Variants in CHRM3 observed in about 807,000 individuals in gnomAD.
CHRM3 encodes muscarinic acetylcholine receptor M3.
CHRM3 carries 11 observed loss-of-function variants against 41.8 expected under a neutral mutation model. The observed-to-expected ratio is 0.26, with a 90% confidence interval of 0.17 to 0.44. The LOEUF (loss-of-function observed/expected upper bound fraction) is 0.44. Among genes scored for constraint, CHRM3 ranks in the 20% least tolerant of loss-of-function variants. CHRM3 has a pLI of 1.00. For synonymous variants in CHRM3, 297 were observed against 301.4 expected, an observed-to-expected ratio of 0.99 and a Z score of 0.15; for missense variants, 571 against 745.4, an observed-to-expected ratio of 0.77 and a Z score of 2.72.
At chr1:239,638,357 G>T (rs1371998292) in intron 4 of CHRM3, among the ~76,000 whole-genome samples, 2 of 151,986 alleles carry the variant, frequency 1.3e-5, no homozygotes, top group African/African-American at 2.4e-5. Flanking sequence ...CACAATGGTT[G>T]AACTAGTTTA....
At position 239,910,978 on chromosome 1, in the gene CHRM3, A is replaced by G. The variant is rs1680333075; in HGVS notation, c.*1754A>G. The G allele has an allele frequency of 3.0e-5, 5 of 167,060 alleles. No individual in the cohort carries two copies. 10.3% of individuals were successfully genotyped at this position (167,060 alleles called of 1,614,324 possible). On this transcript the variant is annotated 3_prime_UTR_variant, in exon 7 of 7. Coordinates refer to ENST00000676153, the MANE Select transcript of CHRM3 (RefSeq NM_001375978.1). Reference sequence around the variant, plus strand: ...GGATACTACACCAAGTGTTTATTTAATGTTGATAAATATGACTCTTCAGTC... The same window carrying G: ...GGATACTACACCAAGTGTTTATTTAGTGTTGATAAATATGACTCTTCAGTC...
chr1:239,618,769 G>A (rs1466554066), intron 3 of CHRM3, among the ~76,000 whole-genome samples: 26 of 148,168 alleles, frequency 1.8e-4, no homozygotes, highest in African/African-American at 2.2e-4. Flanking sequence ...GCGTGAACCC[G>A]GGAGGCGGAG....
intron 5 of CHRM3, among the ~76,000 whole-genome samples, chr1:239,761,883 C>T (rs912012765): frequency 6.6e-6 from 1 of 152,140 alleles, no homozygotes; most frequent in Admixed American, 6.5e-5. Context: ...CTGACTCTAG[C>T]CCCCTTAGCC....
intron 6 of CHRM3, among the ~76,000 whole-genome samples, chr1:239,884,053 T>C (rs1412275036): frequency 6.6e-6 from 1 of 152,226 alleles, no homozygotes; most frequent in Non-Finnish European, 1.5e-5. Flanking sequence ...CTCAAGAGAA[T>C]AGCCAAACTT....
intron 6 of CHRM3, among the ~76,000 whole-genome samples, chr1:239,875,346 A>C (rs976251775): frequency 1.3e-5 from 2 of 152,232 alleles, no homozygotes; most frequent in African/African-American, 4.8e-5. Flanking sequence ...TGTTGGGACT[A>C]TTCGACTCTG....
In CHRM3 at chr1:239,909,311, G is replaced by A; in HGVS notation, c.*87G>A. On this transcript the variant is annotated 3_prime_UTR_variant, in exon 7 of 7. Transcript: ENST00000676153. ...GGAAGGCGAGGGCGGGGTGACTTCT[G>A]GTGATGATAAAAATGGTTTTATCAC... is the stretch of plus-strand genomic sequence containing the variant. 2 of 1,386,464 alleles carry A rather than the reference G, an allele frequency of 1.4e-6. No homozygotes were observed. Among genetic ancestry groups the A allele is most frequent in the South Asian group, 2.9e-5 (2 of 70,070 alleles). The allele number at this position is 1,386,464 out of a possible 1,614,324, so 85.9% of individuals were successfully genotyped here.
At chr1:239,796,620 C>T (rs1669796608) in intron 5 of CHRM3, among the ~76,000 whole-genome samples, 1 of 152,066 alleles carries the variant, frequency 6.6e-6, no homozygotes, top group South Asian at 2.1e-4. Context: ...ATCAGCGTCT[C>T]GGAGGCATTC....
Position 239,633,561 on chromosome 1 carries a change from C to A in CHRM3, c.-250+1275C>A, listed in dbSNP as rs567687362. Among the ~76,000 whole-genome samples the A allele has an allele frequency of 7.9e-5, 12 of 152,314 alleles. No individual in the cohort carries two copies. In the South Asian group the frequency reaches 2.3e-3, roughly 29 times the overall value. On this transcript the variant is annotated intron_variant, in intron 4 of 6. Coordinates refer to ENST00000676153, the MANE Select transcript of CHRM3 (RefSeq NM_001375978.1). ...GCAAAGTGCCCAGCTAAAAAATATTCTCATCTTCCCAGACTCTTTTTTCTG... is the reference window on the plus strand; with the variant it reads ...GCAAAGTGCCCAGCTAAAAAATATTATCATCTTCCCAGACTCTTTTTTCTG...
intron 3 of CHRM3, among the ~76,000 whole-genome samples, chr1:239,549,372 C>G (rs1659592852): frequency 6.6e-6 from 1 of 151,622 alleles, no homozygotes; most frequent in South Asian, 2.1e-4. Flanking sequence ...AAGTCTCCTT[C>G]TGGCTGGATG....
intron 1 of CHRM3, among the ~76,000 whole-genome samples, chr1:239,435,516 TTGA>T (rs1663187422): frequency 6.6e-6 from 1 of 151,636 alleles, no homozygotes; most frequent in Non-Finnish European, 1.5e-5. Flanking sequence ...GGATTTGTAC[TTGA>T]TGAAATCCCA....
At chr1:239,562,359 T>C (rs946791636) in intron 3 of CHRM3, among the ~76,000 whole-genome samples, 6 of 152,138 alleles carry the variant, frequency 3.9e-5, no homozygotes, top group African/African-American at 1.4e-4. Context: ...GATAAAGAGC[T>C]GGCTTCTGAA....
chr1:239,666,549 C>A (rs1673824505), intron 4 of CHRM3, among the ~76,000 whole-genome samples: 2 of 152,152 alleles, frequency 1.3e-5, no homozygotes. Context: ...TGTTCTTCCA[C>A]TTTCTCCTGT....
intron 5 of CHRM3, among the ~76,000 whole-genome samples, chr1:239,747,884 A>C (rs1269603896): frequency 6.6e-6 from 1 of 152,086 alleles, no homozygotes; most frequent in African/African-American, 2.4e-5. Flanking sequence ...ATACAGAAAA[A>C]AAATTAGCTG....
chr1:239,909,717 C>G lies in CHRM3; in HGVS notation c.*493C>G, dbSNP rs1244903030. On this transcript the variant is annotated 3_prime_UTR_variant, in exon 7 of 7. Coordinates refer to ENST00000676153, the MANE Select transcript of CHRM3 (RefSeq NM_001375978.1). ...ACGTTGCAAAGCTGAATCTTCTTGT[C>G]CCAATAGAGCTTCCTGTCTTTTCTT... 4 of 168,538 alleles carry G rather than the reference C, an allele frequency of 2.4e-5. No individual in the cohort carries two copies. The highest frequency in any genetic ancestry group is 2.9e-5 in the Non-Finnish European group (2 of 69,238). The allele number at this position is 168,538 out of a possible 1,614,324, so 10.4% of individuals were successfully genotyped here.
chr1:239,871,858 C>G (rs140673048), intron 6 of CHRM3, among the ~76,000 whole-genome samples: 1 of 152,106 alleles, frequency 6.6e-6, no homozygotes, highest in Non-Finnish European at 1.5e-5. Flanking sequence ...TAGCCAAATA[C>G]GAGAGGCGCA....
intron 6 of CHRM3, among the ~76,000 whole-genome samples, chr1:239,866,749 G>T (rs1190241827): frequency 1.3e-5 from 2 of 152,138 alleles, no homozygotes; most frequent in African/African-American, 4.8e-5. Context: ...AAATTCACTG[G>T]ACTGGGCATA....
In CHRM3 at chr1:239,653,202, T is replaced by C. The variant is rs116159378; in HGVS notation, c.-250+20916T>C. On this transcript the variant is annotated intron_variant, in intron 4 of 6. Transcript: ENST00000676153. ...CTGGAGTCAGTAGATGGAAAATTCC[T>C]AAGAGGAGGCATCACGAGTAAGGGG... 2.2e-3 allele frequency among the ~76,000 whole-genome samples: 329 copies of C among 152,286 alleles called. 1 individual carries two copies. Among genetic ancestry groups the C allele is most frequent in the African/African-American group, 7.6e-3 (314 of 41,550 alleles).
chr1:239,843,729 G>T (rs1674029320), intron 6 of CHRM3, among the ~76,000 whole-genome samples: 1 of 152,016 alleles, frequency 6.6e-6, no homozygotes, highest in Non-Finnish European at 1.5e-5. Flanking sequence ...CCAGAAAGAG[G>T]AAGAAGCAGG....
At chr1:239,627,679 C>G (rs1278160075) in intron 3 of CHRM3, among the ~76,000 whole-genome samples, 2 of 140,356 alleles carry the variant, frequency 1.4e-5, no homozygotes, top group East Asian at 2.1e-4. Flanking sequence ...CCTTCAGGAG[C>G]TCTTTTAGGG....
Sources: allele counts gnomAD v4.1 joint callset (sites outside exome capture counted in the v4.1 genomes callset), GRCh38; gene constraint gnomAD v4.1.1; transcripts MANE v1.5; gene names NCBI Gene and HGNC (gene_info 2026-07-23, HGNC 2026-07-21).